RABGAP1L: variants seen among roughly 807,000 people sequenced by gnomAD.
RABGAP1L encodes the protein rab GTPase-activating protein 1-like.
In RABGAP1L, 63 loss-of-function variants were observed where a neutral mutation model predicts 137.7. The ratio of observed to expected loss-of-function variants is 0.46; its 90% CI spans 0.37 to 0.56. The LOEUF (loss-of-function observed/expected upper bound fraction) is 0.56, where lower values mean the gene tolerates loss of function less well. Ranked by LOEUF, RABGAP1L falls within the 20% of genes least tolerant of loss-of-function variation. The pLI, the probability that RABGAP1L is intolerant of heterozygous loss-of-function variation, is 0.00. For missense variants in RABGAP1L, 1,095 were observed against 1,244.0 expected (o/e 0.88, Z 1.80); for synonymous variants, 431 against 433.7 (o/e 0.99, Z 0.08).
At position 174,975,254 on chromosome 1, in the gene RABGAP1L, A is replaced by G. The variant is rs191139717; in HGVS notation, c.2545-824A>G. On this transcript the variant is annotated intron_variant, in intron 21 of 25. Coordinates refer to ENST00000681986, the MANE Select transcript of RABGAP1L (RefSeq NM_001366446.1). ...AAATAAATCCCATGTGTAAGTTGTCATTACAGTCCTATTAAGGGAAATATG... is the reference window on the plus strand; with the variant it reads ...AAATAAATCCCATGTGTAAGTTGTCGTTACAGTCCTATTAAGGGAAATATG... 1.1e-4 allele frequency among the ~76,000 whole-genome samples: 16 copies of G among 152,348 alleles called. No individual in the cohort carries two copies. The East Asian group carries it at 2.7e-3, about 26-fold the overall frequency.
chr1:174,799,775 T>TAGC lies in RABGAP1L; in HGVS notation c.2212-12043_2212-12041dup, dbSNP rs758851838. On this transcript the variant is annotated intron_variant, in intron 18 of 25. Transcript: ENST00000681986. ...CAGCGAGAGGCAGCAGCAGCAGCAG[T>TAGC]AGCAGCAGCAGCAGCAACAACAGCG... The TAGC allele has an allele frequency of 7.4e-4, 641 of 862,288 alleles. 6 individuals carry two copies. In the African/African-American group the frequency reaches 9.7e-3, roughly 13 times the overall value. 53.4% of individuals were successfully genotyped at this position (862,288 alleles called of 1,614,324 possible). A position where few individuals can be genotyped will look rare whatever the true frequency, so the allele number is the denominator to read the frequency against.
At chr1:174,454,861 T>G (rs1655870936) in intron 13 of RABGAP1L, among the ~76,000 whole-genome samples, 1 of 152,096 alleles carries the variant, frequency 6.6e-6, no homozygotes. Context: ...CACTGTAGGA[T>G]TTTTAAATGC....
At chr1:174,680,162 G>A (rs1411364110) in intron 14 of RABGAP1L, among the ~76,000 whole-genome samples, 1 of 152,220 alleles carries the variant, frequency 6.6e-6, no homozygotes, top group Non-Finnish European at 1.5e-5. Flanking sequence ...TTTGTAATAT[G>A]CATGTCTGAC....
At chr1:174,385,591 G>T (rs187300961) in intron 12 of RABGAP1L, among the ~76,000 whole-genome samples, 1 of 152,314 alleles carries the variant, frequency 6.6e-6, no homozygotes, top group East Asian at 1.9e-4. Flanking sequence ...ATCATCCAAA[G>T]ACTGCACCCT....
At chr1:174,557,620 G>A (rs115843102) in intron 13 of RABGAP1L, among the ~76,000 whole-genome samples, 2,400 of 152,226 alleles carry the variant, frequency 0.016, 67 homozygotes, top group African/African-American at 0.055. Flanking sequence ...CCAGATATGG[G>A]GGCAGCCAGC....
At chr1:174,341,142 G>T (rs1359693539) in intron 11 of RABGAP1L, among the ~76,000 whole-genome samples, 1 of 152,030 alleles carries the variant, frequency 6.6e-6, no homozygotes, top group African/African-American at 2.4e-5. Flanking sequence ...GTTCCTGGTA[G>T]ACTCTGGATA....
At chr1:174,732,135 G>T (rs1682525148) in intron 17 of RABGAP1L, among the ~76,000 whole-genome samples, 1 of 151,628 alleles carries the variant, frequency 6.6e-6, no homozygotes, top group South Asian at 2.1e-4. Context: ...GAAGGTGGAG[G>T]TTGCAGTGAG....
intron 17 of RABGAP1L, among the ~76,000 whole-genome samples, chr1:174,729,205 C>A (rs775002113): frequency 6.6e-6 from 1 of 151,944 alleles, no homozygotes; most frequent in Non-Finnish European, 1.5e-5. Context: ...TTGACAAAGT[C>A]GACAAAATTC....
chr1:174,622,656 A>G (rs1672612209), intron 13 of RABGAP1L, among the ~76,000 whole-genome samples: 1 of 152,222 alleles, frequency 6.6e-6, no homozygotes. Flanking sequence ...TTGAACAATG[A>G]GAACACATGG....
At chr1:174,378,927 G>A (rs1332741064) in intron 12 of RABGAP1L, among the ~76,000 whole-genome samples, 5 of 129,210 alleles carry the variant, frequency 3.9e-5, no homozygotes, top group African/African-American at 1.6e-4. Flanking sequence ...TAGGTCTAAC[G>A]TTTAAATCTT....
chr1:174,183,048 T>G (rs973218310), intron 1 of RABGAP1L, among the ~76,000 whole-genome samples: 2 of 152,210 alleles, frequency 1.3e-5, no homozygotes, highest in Non-Finnish European at 2.9e-5. Flanking sequence ...AACACTGAGT[T>G]ATAATAGTTC....
At chr1:174,586,345 A>G (rs749933778) in intron 13 of RABGAP1L, among the ~76,000 whole-genome samples, 23 of 150,750 alleles carry the variant, frequency 1.5e-4, no homozygotes, top group Non-Finnish European at 3.1e-4. Flanking sequence ...AACAATGAGA[A>G]CACATGGACA....
intron 13 of RABGAP1L, among the ~76,000 whole-genome samples, chr1:174,394,864 TC>T (rs1176353118): frequency 1.3e-5 from 2 of 152,128 alleles, no homozygotes; most frequent in African/African-American, 4.8e-5. Flanking sequence ...TGCTGTAATT[TC>T]TTTTTACTTT....
rs151237813 is a variant in RABGAP1L at position 174,522,260 on chromosome 1, A to C, written c.1711-115115A>C. ...AGCAGAAGGCAGAGGGCAGGTGTAT[A>C]AGGCCATTCTTGCATTGCTATAAAG... On this transcript the variant is annotated intron_variant, in intron 13 of 25. Transcript: ENST00000681986. Among the ~76,000 whole-genome samples, 332 of 152,280 alleles carry C rather than the reference A, an allele frequency of 2.2e-3. 1 individual carries two copies. Among genetic ancestry groups the C allele is most frequent in the African/African-American group, 7.6e-3 (314 of 41,562 alleles).
rs564752729 is a variant in RABGAP1L, at chr1:174,726,605, A to G, written c.2169+24349A>G. 1.2e-3 allele frequency among the ~76,000 whole-genome samples: 190 copies of G among 152,244 alleles called. 3 individuals are homozygous for G. The highest frequency in any genetic ancestry group is 0.012 in the South Asian group (58 of 4,824). On this transcript the variant is annotated intron_variant, in intron 17 of 25. Transcript: ENST00000681986. ...GAGGTCTTTTAATTTATCTATTACT[A>G]TTATAAGGCTAGTTAGAAAATTTAA...
chr1:174,380,312 TA>T (rs1428337696), intron 12 of RABGAP1L, among the ~76,000 whole-genome samples: 4 of 152,250 alleles, frequency 2.6e-5, no homozygotes, highest in Middle Eastern at 3.4e-3. Flanking sequence ...TAAAATGAGT[TA>T]GGGAGGATTC....
At chr1:174,209,170 A>G (rs771377610) in intron 1 of RABGAP1L, among the ~76,000 whole-genome samples, 2 of 152,196 alleles carry the variant, frequency 1.3e-5, no homozygotes, top group Non-Finnish European at 1.5e-5. Context: ...AGCTCAGGCA[A>G]TAATAATACT....
chr1:174,370,088 G>A (rs1249791891), intron 11 of RABGAP1L, among the ~76,000 whole-genome samples: 6 of 152,168 alleles, frequency 3.9e-5, no homozygotes, highest in South Asian at 4.1e-4. Flanking sequence ...ACAGATCCCC[G>A]TGGGAGCCAC....
intron 13 of RABGAP1L, among the ~76,000 whole-genome samples, chr1:174,612,310 T>C (rs941380944): frequency 6.6e-6 from 1 of 152,230 alleles, no homozygotes; most frequent in Non-Finnish European, 1.5e-5. Context: ...TCTAATGAGA[T>C]AATCATGTGA....
Sources: gnomAD v4.1 joint callset for allele counts (sites outside exome capture counted in the v4.1 genomes callset) on GRCh38, gnomAD v4.1.1 for gene constraint, MANE v1.5 for transcripts, NCBI Gene and HGNC (gene_info 2026-07-23, HGNC 2026-07-21) for gene names.